The following LPCAT2 variants were observed in gnomAD, a reference collection of about 807,000 sequenced individuals.
LPCAT2 encodes 1-AGP acyltransferase 11.
LPCAT2 carries 58 observed loss-of-function variants against 64.7 expected under a neutral mutation model. The observed-to-expected ratio is 0.90, with a 90% CI of 0.73 to 1.12. The LOEUF (loss-of-function observed/expected upper bound fraction) is 1.12, where lower values mean the gene tolerates loss of function less well. LPCAT2 is among the 50% of genes most tolerant of loss of function. The pLI is 0.00. For missense variants in LPCAT2, 579 were observed against 669.8 expected (o/e 0.86, Z 1.50); for synonymous variants, 252 against 245.3 (o/e 1.03, Z -0.26).
At chr16:55,511,368 GCATGGTA>G (rs1962929479) in intron 1 of LPCAT2, among the ~76,000 whole-genome samples, 13 of 152,108 alleles carry the variant, frequency 8.5e-5, no homozygotes, top group Admixed American at 7.9e-4. Context: ...ATTTGAATAG[GCATGGTA>G]GAAAAACAAT....
intron 8 of LPCAT2, chr16:55,538,076 C>T (rs181728541): frequency 6.4e-6 from 1 of 155,312 alleles, no homozygotes; most frequent in East Asian, 1.9e-4. Flanking sequence ...ATGAAAAGCC[C>T]AAGGAAATTC....
At chr16:55,539,247 C>CTTTT (rs11314938) in intron 8 of LPCAT2, 1 of 136,196 alleles carries the variant, frequency 7.3e-6, no homozygotes, top group African/African-American at 2.8e-5. Flanking sequence ...TCATGGCTTT[C>CTTTT]TTTTTTTTTT....
At chr16:55,525,684 T>G (rs1444916752) in intron 2 of LPCAT2, 37 bp downstream of exon 2, 1 of 1,516,842 alleles carries the variant, frequency 6.6e-7, no homozygotes, top group African/African-American at 1.4e-5. Context: ...TAGGACATAA[T>G]ATTAAATTAA....
At chr16:55,537,006 G>T (rs1231171124) in intron 7 of LPCAT2, among the ~76,000 whole-genome samples, 2 of 151,752 alleles carry the variant, frequency 1.3e-5, no homozygotes, top group Non-Finnish European at 2.9e-5. Flanking sequence ...TTTTTTTAAT[G>T]TCAAAAAACA....
At chr16:55,529,544 A>G (rs1340835373) in intron 3 of LPCAT2, among the ~76,000 whole-genome samples, 2 of 152,208 alleles carry the variant, frequency 1.3e-5, no homozygotes, top group Non-Finnish European at 2.9e-5. Flanking sequence ...ATCTTGTAGC[A>G]TATCCCAAAG....
chr16:55,514,424 C>G (rs1962978049), intron 1 of LPCAT2, among the ~76,000 whole-genome samples: 1 of 152,184 alleles, frequency 6.6e-6, no homozygotes, highest in Non-Finnish European at 1.5e-5. Flanking sequence ...AGGAAACTTG[C>G]TGGTTTCAGG....
At chr16:55,541,210 T>C (rs907086495) in intron 8 of LPCAT2, 3 of 152,152 alleles carry the variant, frequency 2.0e-5, no homozygotes, top group Non-Finnish European at 4.4e-5. Flanking sequence ...TAAAAGCTTA[T>C]AGTGAGCTTA....
At chr16:55,512,889 AGGGCTAGC>A (rs1962953882) in intron 1 of LPCAT2, among the ~76,000 whole-genome samples, 1 of 152,244 alleles carries the variant, frequency 6.6e-6, no homozygotes, top group East Asian at 1.9e-4. Context: ...TCTAAGACTA[AGGGCTAGC>A]TTCAAACAAA....
intron 1 of LPCAT2, among the ~76,000 whole-genome samples, chr16:55,522,119 T>C (rs1400589228): frequency 6.6e-6 from 1 of 151,708 alleles, no homozygotes; most frequent in African/African-American, 2.4e-5. Flanking sequence ...AACAACTAAC[T>C]ACTAGAACTA....
chr16:55,567,434 G>A, intron 11 of LPCAT2: 1 of 1,613,806 alleles, frequency 6.2e-7, no homozygotes, highest in Non-Finnish European at 8.5e-7. Flanking sequence ...TCAAGTCTCT[G>A]GATAGAGATA....
intron 11 of LPCAT2, chr16:55,567,443 T>C (rs1963717240): frequency 1.9e-6 from 3 of 1,613,814 alleles, no homozygotes; most frequent in Admixed American, 1.7e-5. Context: ...TGGATAGAGA[T>C]AGAGATGGCC....
At chr16:55,548,604 C>T (rs565681226) in intron 9 of LPCAT2, among the ~76,000 whole-genome samples, 2 of 152,274 alleles carry the variant, frequency 1.3e-5, no homozygotes, top group East Asian at 3.9e-4. Context: ...CTCACTGCAA[C>T]CTCTGCCTCC....
intron 12 of LPCAT2, among the ~76,000 whole-genome samples, chr16:55,578,380 C>T (rs1434736136): frequency 2.0e-5 from 3 of 152,102 alleles, no homozygotes; most frequent in Non-Finnish European, 4.4e-5. Flanking sequence ...TTCTGTTTTC[C>T]CACTTTGGCT....
intron 11 of LPCAT2, chr16:55,567,002 G>T: frequency 6.2e-7 from 1 of 1,613,898 alleles, no homozygotes; most frequent in South Asian, 1.1e-5. Flanking sequence ...GGCGATTTCG[G>T]CAACAATTTA....
At chr16:55,564,868 G>A (rs1402744013) in intron 11 of LPCAT2, among the ~76,000 whole-genome samples, 1 of 151,876 alleles carries the variant, frequency 6.6e-6, no homozygotes, top group Admixed American at 6.6e-5. Flanking sequence ...TTAAACTTTT[G>A]TGCATCAAAG....
At chr16:55,528,729 A>G in intron 3 of LPCAT2, 135 bp downstream of exon 3, 4 of 672,362 alleles carry the variant, frequency 5.9e-6, no homozygotes, top group Non-Finnish European at 2.5e-6. Flanking sequence ...CTTTATTGTA[A>G]TAAGTTACTA....
chr16:55,522,076 C>G (rs1438102894), intron 1 of LPCAT2, among the ~76,000 whole-genome samples: 2 of 151,620 alleles, frequency 1.3e-5, no homozygotes, highest in Non-Finnish European at 3.0e-5. Flanking sequence ...ATGATATAGA[C>G]TGTATATGAA....
At chr16:55,578,840 C>T (rs1963857710) in intron 12 of LPCAT2, among the ~76,000 whole-genome samples, 1 of 152,160 alleles carries the variant, frequency 6.6e-6, no homozygotes, top group Non-Finnish European at 1.5e-5. Context: ...CTTCTTGGAC[C>T]TCTCTGGGTA....
intron 11 of LPCAT2, among the ~76,000 whole-genome samples, chr16:55,565,521 TAGAA>T (rs1963684823): frequency 1.3e-5 from 2 of 152,154 alleles, no homozygotes; most frequent in South Asian, 4.1e-4. Flanking sequence ...TATTCATCAT[TAGAA>T]AGGAAGGGAA....
Sources: allele counts gnomAD v4.1 joint callset (sites outside exome capture counted in the v4.1 genomes callset), GRCh38; gene constraint gnomAD v4.1.1; transcripts MANE v1.5; gene names NCBI Gene and HGNC (gene_info 2026-07-23, HGNC 2026-07-21).